Variants in CAMTA1 observed in about 807,000 individuals in gnomAD.
CAMTA1 encodes calmodulin binding transcription activator 1.
A neutral mutation model predicts 170.9 loss-of-function variants in CAMTA1; 27 were observed. The ratio of observed to expected loss-of-function variants is 0.16; its 90% CI spans 0.12 to 0.22. The LOEUF (loss-of-function observed/expected upper bound fraction) is 0.22, where lower values mean the gene tolerates loss of function less well. Among genes scored for constraint, CAMTA1 ranks in the 10% least tolerant of loss-of-function variants. The pLI is 1.00. For missense variants in CAMTA1, 1,619 were observed against 2,217.2 expected (o/e 0.73, Z 5.42); for synonymous variants, 833 against 891.5 (o/e 0.93, Z 1.17).
chr1:6,914,382 G>A (rs924745379), intron 3 of CAMTA1, among the ~76,000 whole-genome samples: 2 of 152,180 alleles, frequency 1.3e-5, no homozygotes, highest in Non-Finnish European at 1.5e-5. Flanking sequence ...GATTACAGGC[G>A]TGAACCACCA....
At position 7,663,687 on chromosome 1, in the gene CAMTA1, T is replaced by C; in HGVS notation, c.1140T>C (p.Gly380=). Residue 380 remains glycine (G), a synonymous_variant, in exon 9 of 23, where the codon GGT becomes GGC. Coordinates refer to ENST00000303635, the MANE Select transcript of CAMTA1 (RefSeq NM_015215.4). ...TGGTGGACAGCCCGGTGGTCACAGG[T>C]GTGTCCGGTATGGCGGTGGCCTCTG... ...PDMVDSPVVT[G]VSGMAVASVM... is the part of the protein sequence containing the mutation. The C allele has an allele frequency of 6.2e-7, 1 of 1,613,930 alleles. No homozygotes were observed. The highest frequency in any genetic ancestry group is 8.5e-7 in the Non-Finnish European group (1 of 1,179,996).
chr1:7,454,399 G>T (rs2092903506), intron 5 of CAMTA1, among the ~76,000 whole-genome samples: 1 of 152,236 alleles, frequency 6.6e-6, no homozygotes. Context: ...CACTGCAAAC[G>T]TATTGTCATT....
Position 7,664,847 on chromosome 1 carries a change from T to C in CAMTA1, c.2300T>C (p.Ile767Thr). ...NMELSLDHFD[I>T]SFSNQFSDLI... ...GAGCTCAGCCTGGACCACTTTGACATCTCCTTCAGCAACCAGTTCTCCGAC... is the reference window on the plus strand; with the variant it reads ...GAGCTCAGCCTGGACCACTTTGACACCTCCTTCAGCAACCAGTTCTCCGAC... The change falls in exon 9 of 23, where the codon ATC becomes ACC. Residue 767 changes from isoleucine to threonine, a missense_variant. By Grantham distance (89) the Ile-to-Thr change is moderately conservative (BLOSUM62 -1). Transcript: ENST00000303635. The C allele has an allele frequency of 6.2e-7, 1 of 1,613,434 alleles. No homozygotes were observed. The highest frequency in any genetic ancestry group is 8.5e-7 in the Non-Finnish European group (1 of 1,180,006).
intron 4 of CAMTA1, among the ~76,000 whole-genome samples, chr1:7,185,607 C>T (rs1201765431): frequency 6.6e-6 from 1 of 152,188 alleles, no homozygotes; most frequent in African/African-American, 2.4e-5. Flanking sequence ...TACAATTTTA[C>T]ATTGAAGAAA....
chr1:7,103,763 CA>C, intron 4 of CAMTA1, among the ~76,000 whole-genome samples: 1 of 151,538 alleles, frequency 6.6e-6, no homozygotes, highest in South Asian at 2.1e-4. Context: ...TACACACATG[CA>C]CACACAACAC....
chr1:7,365,392 G>T (rs2085885442), intron 5 of CAMTA1, among the ~76,000 whole-genome samples: 1 of 152,144 alleles, frequency 6.6e-6, no homozygotes, highest in South Asian at 2.1e-4. Context: ...CTATTACTGG[G>T]CTATTACTGG....
intron 4 of CAMTA1, among the ~76,000 whole-genome samples, chr1:7,101,124 ATTTTG>A (rs1178299356): frequency 6.6e-6 from 1 of 152,078 alleles, no homozygotes; most frequent in Non-Finnish European, 1.5e-5. Flanking sequence ...ATCGATGGTC[ATTTTG>A]TTTTGTTTCT....
At chr1:7,243,639 T>C (rs944980563) in intron 4 of CAMTA1, among the ~76,000 whole-genome samples, 49 of 152,340 alleles carry the variant, frequency 3.2e-4, no homozygotes, top group African/African-American at 1.2e-3. Flanking sequence ...AGCCTTGTAG[T>C]ATAGTTTGAA....
At chr1:6,982,235 G>A (rs557764996) in intron 3 of CAMTA1, among the ~76,000 whole-genome samples, 5 of 152,242 alleles carry the variant, frequency 3.3e-5, no homozygotes, top group Admixed American at 6.5e-5. Context: ...TGGTAGGTGC[G>A]CCGATGGCCA....
At chr1:7,607,260 G>T (rs2095493413) in intron 6 of CAMTA1, among the ~76,000 whole-genome samples, 2 of 150,318 alleles carry the variant, frequency 1.3e-5, no homozygotes, top group African/African-American at 4.9e-5. Context: ...GAATGGGTGG[G>T]TAGCTGGATG....
At chr1:7,210,417 T>C (rs1433264084) in intron 4 of CAMTA1, among the ~76,000 whole-genome samples, 2 of 152,232 alleles carry the variant, frequency 1.3e-5, no homozygotes. Flanking sequence ...GGGTTGTTCT[T>C]AGTGCATCGT....
At chr1:6,793,728 C>T (rs1007489976) in intron 1 of CAMTA1, among the ~76,000 whole-genome samples, 3 of 152,004 alleles carry the variant, frequency 2.0e-5, no homozygotes, top group Non-Finnish European at 4.4e-5. Context: ...AGAGAGAAAG[C>T]CTTTCTTTTT....
At chr1:6,999,933 G>A (rs1248395155) in intron 3 of CAMTA1, among the ~76,000 whole-genome samples, 1 of 152,204 alleles carries the variant, frequency 6.6e-6, no homozygotes, top group Non-Finnish European at 1.5e-5. Flanking sequence ...ACCCTGACAG[G>A]TTCTTTTCTG....
At position 6,861,307 on chromosome 1, in the gene CAMTA1, G is replaced by C. The variant is rs188606012; in HGVS notation, c.234+36097G>C. 2.9e-4 allele frequency among the ~76,000 whole-genome samples: 44 copies of C among 152,284 alleles called. No homozygotes were observed. In the East Asian group the frequency reaches 8.1e-3, roughly 28 times the overall value. On this transcript the variant is annotated intron_variant, in intron 3 of 22. Transcript: ENST00000303635. ...TCATTTGTCTAACATCTCTGTTACT[G>C]GTTTCAGTAAGATCACATCATCTTT... is the stretch of plus-strand genomic sequence containing the variant.
At chr1:7,494,610 C>A (rs1397607529) in intron 6 of CAMTA1, among the ~76,000 whole-genome samples, 1 of 152,060 alleles carries the variant, frequency 6.6e-6, no homozygotes, top group Non-Finnish European at 1.5e-5. Context: ...TCAAGACCAG[C>A]CTGGTCAATG....
At chr1:7,228,732 A>C (rs1662159507) in intron 4 of CAMTA1, among the ~76,000 whole-genome samples, 1 of 152,198 alleles carries the variant, frequency 6.6e-6, no homozygotes, top group Admixed American at 6.5e-5. Flanking sequence ...AGGCAGTGGC[A>C]TTCGGGATTG....
chr1:7,587,992 C>T (rs1356012033), intron 6 of CAMTA1, among the ~76,000 whole-genome samples: 1 of 152,148 alleles, frequency 6.6e-6, no homozygotes, highest in Non-Finnish European at 1.5e-5. Flanking sequence ...GTCCTTGATC[C>T]CCTATCGGTG....
At position 7,286,699 on chromosome 1, in the gene CAMTA1, A is replaced by G. The variant is rs1222681308; in HGVS notation, c.438+37073A>G. ...AGGCTAAGATTGTAAAGGGTCTTAA[A>G]TGACCCCAAATATCCCTGCCTAACA... On this transcript the variant is annotated intron_variant, in intron 5 of 22. Transcript: ENST00000303635. The surrounding 1 kb of genome is among the most constrained non-coding windows in gnomAD (Gnocchi z 4.2). Among the ~76,000 whole-genome samples, 1 of 152,236 alleles carries G rather than the reference A, an allele frequency of 6.6e-6. No homozygotes were observed. Among genetic ancestry groups the G allele is most frequent in the Non-Finnish European group, 1.5e-5 (1 of 68,046 alleles).
intron 5 of CAMTA1, among the ~76,000 whole-genome samples, chr1:7,437,522 G>A (rs946563027): frequency 6.6e-6 from 1 of 152,138 alleles, no homozygotes; most frequent in African/African-American, 2.4e-5. Flanking sequence ...CTGAATCAGG[G>A]CCCACCGACT....
Sources: gnomAD v4.1 joint callset for allele counts (sites outside exome capture counted in the v4.1 genomes callset) on GRCh38, gnomAD v4.1.1 for gene constraint, Gnocchi (gnomAD v3.1) non-coding constraint, MANE v1.5 for transcripts, NCBI Gene and HGNC (gene_info 2026-07-23, HGNC 2026-07-21) for gene names.